The following NEK4 variants were observed in gnomAD, a reference collection of about 807,000 sequenced individuals.
The protein encoded by NEK4 is NIMA related kinase 4.
A neutral mutation model predicts 98.4 loss-of-function variants in NEK4; 86 were observed. That is an observed-to-expected ratio of 0.87 (90% CI 0.73 to 1.05). The LOEUF (loss-of-function observed/expected upper bound fraction) is 1.05. Among genes scored for constraint, NEK4 ranks in the 50% least tolerant of loss-of-function variants. The pLI is 0.00. For missense variants in NEK4, 898 were observed against 950.3 expected (o/e 0.94, Z 0.72); for synonymous variants, 328 against 342.2 (o/e 0.96, Z 0.46).
chr3:52,760,161 G>A (rs997665304), intron 6 of NEK4, among the ~76,000 whole-genome samples: 9 of 152,226 alleles, frequency 5.9e-5, no homozygotes, highest in Admixed American at 6.5e-5. Context: ...GCACTACACT[G>A]TGAATGTACT....
chr3:52,709,477 CAGG>C lies in NEK4; in HGVS notation c.*2297_*2299del, dbSNP rs978678171. On this transcript the variant is annotated 3_prime_UTR_variant, in exon 16 of 16. Coordinates refer to ENST00000233027, the MANE Select transcript of NEK4 (RefSeq NM_003157.6). ...ATCCCAGCACTTTCAGAGGCCGATG[CAGG>C]AGGACTGCTTGAATGCAGTTTGAGA... 5.3e-5 allele frequency: 8 copies of C among 151,378 alleles called. No individual in the cohort carries two copies. Among genetic ancestry groups the C allele is most frequent in the African/African-American group, 1.7e-4 (7 of 41,162 alleles). 9.4% of individuals were successfully genotyped at this position (151,378 alleles called of 1,614,324 possible). A position where few individuals can be genotyped will look rare whatever the true frequency, so the allele number is the denominator to read the frequency against.
chr3:52,720,388 T>C (rs1343006769), intron 15 of NEK4, among the ~76,000 whole-genome samples: 2 of 151,878 alleles, frequency 1.3e-5, no homozygotes, highest in African/African-American at 4.8e-5. Context: ...ACTTTACAAA[T>C]TTATTGAAAA....
At chr3:52,716,398 G>T (rs1299312239) in intron 15 of NEK4, among the ~76,000 whole-genome samples, 2 of 152,198 alleles carry the variant, frequency 1.3e-5, no homozygotes, top group Non-Finnish European at 2.9e-5. Context: ...TCAAGAAATC[G>T]AGAGAATGAA....
chr3:52,751,965 C>T lies in NEK4; in HGVS notation c.1335G>A (p.Gln445=). The T allele has an allele frequency of 6.2e-7, 1 of 1,613,900 alleles. No homozygotes were observed. Among genetic ancestry groups the T allele is most frequent in the Non-Finnish European group, 8.5e-7 (1 of 1,179,998 alleles). ...GEKNEPVKPL[Q]PLIKEQKPKD... The stretch of plus-strand genomic sequence containing the variant: ...TTGGCTTTTGTTCTTTGATTAGGGG[C>T]TGCAGAGGCTTCACTGGTTCATTCT... Residue 445 remains glutamine, a synonymous_variant, in exon 7 of 16, where the codon CAG becomes CAA. Transcript: ENST00000233027.
rs2097348161 is a variant in NEK4, at chr3:52,709,440, TTC to T, written c.*2335_*2336del. On this transcript the variant is annotated 3_prime_UTR_variant, in exon 16 of 16. Coordinates refer to ENST00000233027, the MANE Select transcript of NEK4 (RefSeq NM_003157.6). Reference sequence around the variant, plus strand: ...GTATGGGGGAAGTCAGGTGTGGTGGTTCATGCCTATAATCCCAGCACTTTCAG... The same window carrying T: ...GTATGGGGGAAGTCAGGTGTGGTGGTATGCCTATAATCCCAGCACTTTCAG... 6.6e-6 allele frequency: 1 copy of T among 151,654 alleles called. No homozygotes were observed. The highest frequency in any genetic ancestry group is 1.5e-5 in the Non-Finnish European group (1 of 67,910). The allele number at this position is 151,654 out of a possible 1,614,324, so 9.4% of individuals were successfully genotyped here. A position where few individuals can be genotyped will look rare whatever the true frequency, so the allele number is the denominator to read the frequency against.
chr3:52,736,929 A>C (rs1162713239), intron 15 of NEK4, among the ~76,000 whole-genome samples: 6 of 152,132 alleles, frequency 3.9e-5, no homozygotes, highest in Admixed American at 3.3e-4. Flanking sequence ...TGTTTTAGGT[A>C]ATAGGTAATA....
chr3:52,770,622 C>G (rs1388989303), intron 1 of NEK4, 32 bp downstream of exon 1: 1 of 1,430,714 alleles, frequency 7.0e-7, no homozygotes, highest in Non-Finnish European at 9.6e-7. Context: ...TCTGCCCGCC[C>G]CCGCCCCTTG....
intron 6 of NEK4, among the ~76,000 whole-genome samples, chr3:52,756,935 C>T (rs144147260): frequency 1.4e-3 from 211 of 152,142 alleles, no homozygotes; most frequent in African/African-American, 4.7e-3. Flanking sequence ...CAAAAATGGG[C>T]AAAGGATTTG....
At chr3:52,738,301 C>G (rs574417362) in intron 14 of NEK4, among the ~76,000 whole-genome samples, 2 of 151,530 alleles carry the variant, frequency 1.3e-5, no homozygotes, top group Non-Finnish European at 2.9e-5. Flanking sequence ...GTGATGGGGT[C>G]TATGTTGTCC....
At chr3:52,715,664 C>T (rs920807810) in intron 15 of NEK4, among the ~76,000 whole-genome samples, 1 of 152,202 alleles carries the variant, frequency 6.6e-6, no homozygotes, top group Admixed American at 6.5e-5. Flanking sequence ...GCTGGGATTA[C>T]AGGCGTGAGC....
intron 12 of NEK4, among the ~76,000 whole-genome samples, chr3:52,741,927 G>A (rs1230888552): frequency 6.6e-6 from 1 of 151,998 alleles, no homozygotes; most frequent in Admixed American, 6.6e-5. Context: ...TTACAGGCAC[G>A]TGCCGCAACG....
At chr3:52,751,391 G>C (rs575758478) in intron 7 of NEK4, among the ~76,000 whole-genome samples, 1 of 151,842 alleles carries the variant, frequency 6.6e-6, no homozygotes, top group South Asian at 2.1e-4. Context: ...GGGAGGCGGA[G>C]GTTGCAGTGA....
At chr3:52,746,936 T>C (rs757978350) in intron 8 of NEK4, 32 bp from the exon 9 acceptor site, 28 of 1,541,548 alleles carry the variant, frequency 1.8e-5, no homozygotes, top group Non-Finnish European at 2.3e-5. Context: ...TTTTAAAGTA[T>C]AGCAGCAACC....
Position 52,742,991 on chromosome 3 carries a change from C to T in NEK4, c.2004+361G>A, listed in dbSNP as rs141176188. Reference sequence around the variant, plus strand: ...TTAGAGACAGGGTCCAACTATATTGCCCAGATTGATCTCAAACTCCTGGGC... The same window carrying T: ...TTAGAGACAGGGTCCAACTATATTGTCCAGATTGATCTCAAACTCCTGGGC... On this transcript the variant is annotated intron_variant, in intron 12 of 15. Transcript: ENST00000233027. Among the ~76,000 whole-genome samples, 13 of 152,032 alleles carry T rather than the reference C, an allele frequency of 8.6e-5. No individual in the cohort carries two copies. The East Asian group carries it at 2.5e-3, about 29-fold the overall frequency.
intron 13 of NEK4, 135 bp from the exon 14 acceptor site, chr3:52,739,769 C>T (rs2097382722): frequency 1.5e-6 from 1 of 685,744 alleles, no homozygotes. Context: ...TGACCTGACC[C>T]TTCCACAAAT....
chr3:52,727,959 A>G (rs1352423199), intron 15 of NEK4, among the ~76,000 whole-genome samples: 1 of 152,262 alleles, frequency 6.6e-6, no homozygotes, highest in Non-Finnish European at 1.5e-5. Flanking sequence ...TGGGCTGGGC[A>G]CAATGGCCAA....
intron 10 of NEK4, among the ~76,000 whole-genome samples, chr3:52,745,761 C>T (rs2097395021): frequency 6.6e-6 from 1 of 152,140 alleles, no homozygotes; most frequent in Admixed American, 6.5e-5. Flanking sequence ...ATTGCTCTGT[C>T]ACCCAGGCTG....
chr3:52,711,826 C>G lies in NEK4; in HGVS notation c.2477G>C (p.Ser826Thr), dbSNP rs1228358452. The change falls in exon 16 of 16, where the codon AGT (serine) becomes ACT (threonine). Residue 826 changes from serine to threonine, a missense_variant. Transcript: ENST00000233027. The part of the protein sequence containing the change: ...EHMGEKYTTY[S>T]VKARQLKFFE... Reference sequence around the variant, plus strand: ...AAATTTCAACTGGCGAGCTTTCACACTGTAAGTTGTATACTTTTCACCCAT... The same window carrying G: ...AAATTTCAACTGGCGAGCTTTCACAGTGTAAGTTGTATACTTTTCACCCAT... 6 of 1,611,124 alleles carry G rather than the reference C, an allele frequency of 3.7e-6. No homozygotes were observed. The highest frequency in any genetic ancestry group is 1.6e-4 in the Middle Eastern group (1 of 6,076).
chr3:52,715,775 C>T (rs1313962181), intron 15 of NEK4, among the ~76,000 whole-genome samples: 7 of 152,214 alleles, frequency 4.6e-5, no homozygotes, highest in Non-Finnish European at 4.4e-5. Context: ...GACAAGAATT[C>T]GAGACCCATG....
Sources: gnomAD v4.1 joint callset for allele counts (sites outside exome capture counted in the v4.1 genomes callset) on GRCh38, gnomAD v4.1.1 for gene constraint, MANE v1.5 for transcripts, NCBI Gene and HGNC (gene_info 2026-07-23, HGNC 2026-07-21) for gene names.